NHSL1: variants seen among roughly 807,000 people sequenced by gnomAD.
NHSL1 encodes NHS like 1.
In NHSL1, 48 loss-of-function variants were observed where a neutral mutation model predicts 95.0. That is an observed-to-expected ratio of 0.51 (90% CI 0.40 to 0.64). The LOEUF (loss-of-function observed/expected upper bound fraction) is 0.64, where lower values mean the gene tolerates loss of function less well. NHSL1 is among the 30% of genes least tolerant of loss of function. The probability of loss-of-function intolerance (pLI) is 0.00; values close to 1 mark genes in which losing one functional copy is unlikely to be tolerated. For missense variants in NHSL1, 1,971 were observed against 2,077.7 expected (o/e 0.95, Z 1.00); for synonymous variants, 783 against 833.9 (o/e 0.94, Z 1.05).
At chr6:138,577,244 G>A (rs952968645), upstream of NHSL1, among the ~76,000 whole-genome samples, 2 of 152,188 alleles carry the variant, frequency 1.3e-5, no homozygotes, top group South Asian at 2.1e-4. Context: ...ACCTTTCAAC[G>A]CAACCAGGCA....
intron 1 of NHSL1, among the ~76,000 whole-genome samples, chr6:138,508,066 G>GTCAA (rs1270106802): frequency 2.0e-5 from 3 of 152,168 alleles, no homozygotes; most frequent in Admixed American, 6.5e-5. Flanking sequence ...CATCGGCTTG[G>GTCAA]TCAATTTCTA....
intron 1 of NHSL1, among the ~76,000 whole-genome samples, chr6:138,646,355 T>C (rs562361451): frequency 1.6e-4 from 25 of 152,328 alleles, no homozygotes; most frequent in African/African-American, 6.0e-4. Flanking sequence ...ATACAGGTAA[T>C]TGAATTAAAA....
At chr6:138,632,172 T>C (rs571998571) in intron 1 of NHSL1, among the ~76,000 whole-genome samples, 1 of 152,310 alleles carries the variant, frequency 6.6e-6, no homozygotes, top group South Asian at 2.1e-4. Context: ...AAGGACTGCG[T>C]CTTGTGGTTT....
At position 138,553,606 on chromosome 6, in the gene NHSL1, T is replaced by C. The variant is rs77956378; in HGVS notation, c.202+18104A>G. 2.7e-3 allele frequency among the ~76,000 whole-genome samples: 406 copies of C among 152,312 alleles called. 2 individuals carry two copies. Among genetic ancestry groups the C allele is most frequent in the Non-Finnish European group, 4.7e-3 (318 of 68,040 alleles). On this transcript the variant is annotated intron_variant, in intron 1 of 6. Coordinates refer to the NHSL1 transcript ENST00000427025. ...ATTTCATCCAAAAGCAAATCATTAGTGGAAAGTATATAAAACCTAGATAAG... is the reference window on the plus strand; with the variant it reads ...ATTTCATCCAAAAGCAAATCATTAGCGGAAAGTATATAAAACCTAGATAAG...
At chr6:138,644,779 G>A (rs1035774168) in intron 1 of NHSL1, among the ~76,000 whole-genome samples, 1 of 152,186 alleles carries the variant, frequency 6.6e-6, no homozygotes, top group Non-Finnish European at 1.5e-5. Context: ...CTTAGTTTAT[G>A]TGTTTTTACA....
chr6:138,449,618 G>A (rs765269045), intron 3 of NHSL1, among the ~76,000 whole-genome samples: 7 of 151,974 alleles, frequency 4.6e-5, no homozygotes, highest in Non-Finnish European at 7.4e-5. Context: ...CTGAGGCTGC[G>A]GTGAGCTGAG....
At chr6:138,569,758 T>C (rs1343013654) in intron 1 of NHSL1, among the ~76,000 whole-genome samples, 1 of 152,246 alleles carries the variant, frequency 6.6e-6, no homozygotes, top group Admixed American at 6.5e-5. Context: ...GAAGCCAATT[T>C]TCTTTTGTAA....
chr6:138,596,831 G>GGAA, intron 1 of NHSL1, among the ~76,000 whole-genome samples: 1 of 152,158 alleles, frequency 6.6e-6, no homozygotes, highest in East Asian at 1.9e-4. Flanking sequence ...TAGAGGCAGC[G>GGAA]GCAGCAGCAA....
rs913781720 is a variant in NHSL1 at position 138,692,539 on chromosome 6, GCAGCGCGGCGGTGCGGTGGCC to G, written c.12_32del (p.Gly5_Leu11del). ...GCTTGCAGGGCGTCGAGGCGGCGGT[GCAGCGCGGCGGTGCGGTGGCC>G]CAGCGCGGCCGCCTGGCCCTCGAGC... On this transcript the variant is annotated inframe_deletion, in exon 1 of 4. Coordinates refer to the NHSL1 transcript ENST00000491526. This position sits in a 1 kb window ranked among gnomAD's most constrained non-coding sequence, Gnocchi z 4.0. The G allele has an allele frequency of 1.5e-5, 3 of 204,814 alleles. No individual in the cohort carries two copies. Among genetic ancestry groups the G allele is most frequent in the Admixed American group, 6.2e-5 (1 of 16,192 alleles). The allele number at this position is 204,814 out of a possible 1,614,324, so 12.7% of individuals were successfully genotyped here. A position where few individuals can be genotyped will look rare whatever the true frequency, so the allele number is the denominator to read the frequency against.
intron 2 of NHSL1, among the ~76,000 whole-genome samples, chr6:138,480,995 A>T (rs1173324448): frequency 6.6e-6 from 1 of 152,202 alleles, no homozygotes; most frequent in African/African-American, 2.4e-5. Context: ...TTAAACTTCT[A>T]TCTCAGTTAA....
At chr6:138,570,961 A>T (rs1009847091) in intron 1 of NHSL1, among the ~76,000 whole-genome samples, 40 of 152,390 alleles carry the variant, frequency 2.6e-4, no homozygotes, top group African/African-American at 9.4e-4. Flanking sequence ...AAGAGGAAGA[A>T]TTCAGAAAAT....
intron 1 of NHSL1, among the ~76,000 whole-genome samples, chr6:138,565,250 G>A (rs1295353793): frequency 6.6e-6 from 1 of 152,064 alleles, no homozygotes; most frequent in Non-Finnish European, 1.5e-5. Flanking sequence ...GGGATTACAG[G>A]TATGCCGCAC....
chr6:138,449,052 CAAAAAAAA>C (rs545496586), intron 3 of NHSL1, among the ~76,000 whole-genome samples: 3 of 88,440 alleles, frequency 3.4e-5, no homozygotes, highest in African/African-American at 7.4e-5. Flanking sequence ...AATTCTGTCT[CAAAAAAAA>C]AAAAAAAAAA....
chr6:138,556,874 G>A (rs1183875242), intron 1 of NHSL1, among the ~76,000 whole-genome samples: 1 of 152,072 alleles, frequency 6.6e-6, no homozygotes, highest in Non-Finnish European at 1.5e-5. Context: ...ACATGAAATA[G>A]AAATCTGGGG....
At chr6:138,441,886 C>T in intron 5 of NHSL1, 97 bp downstream of exon 5, 1 of 1,200,518 alleles carries the variant, frequency 8.3e-7, no homozygotes, top group East Asian at 3.0e-5. Flanking sequence ...AAACGGCTAT[C>T]AGAATGTATC....
chr6:138,465,179 A>T (rs1778282447), intron 3 of NHSL1, among the ~76,000 whole-genome samples: 1 of 151,982 alleles, frequency 6.6e-6, no homozygotes, highest in Non-Finnish European at 1.5e-5. Context: ...TTCATACCCT[A>T]GGCCTTCACA....
intron 2 of NHSL1, among the ~76,000 whole-genome samples, chr6:138,485,209 C>CGTA (rs1389389561): frequency 6.6e-6 from 1 of 152,156 alleles, no homozygotes; most frequent in East Asian, 1.9e-4. Context: ...GATAACAAAC[C>CGTA]TTACCAACAG....
intron 1 of NHSL1, among the ~76,000 whole-genome samples, chr6:138,658,791 T>C (rs1785188994): frequency 6.6e-6 from 1 of 152,198 alleles, no homozygotes. Context: ...TGTAAATAAG[T>C]TAACAAAATC....
chr6:138,690,762 G>A (rs1427709745), intron 1 of NHSL1, among the ~76,000 whole-genome samples: 1 of 152,162 alleles, frequency 6.6e-6, no homozygotes, highest in South Asian at 2.1e-4. Flanking sequence ...AAACAAACTT[G>A]TGAAAAGTTT....
Sources: gnomAD v4.1 joint callset for allele counts (sites outside exome capture counted in the v4.1 genomes callset) on GRCh38, gnomAD v4.1.1 for gene constraint, Gnocchi (gnomAD v3.1) non-coding constraint, MANE v1.5 for transcripts, NCBI Gene and HGNC (gene_info 2026-07-23, HGNC 2026-07-21) for gene names.